CAMK2B: variants seen among roughly 807,000 people sequenced by gnomAD.
CAMK2B encodes the protein calcium/calmodulin dependent protein kinase II beta.
CAMK2B carries 27 observed loss-of-function variants against 93.7 expected under a neutral mutation model. That is an observed-to-expected ratio of 0.29 (90% CI 0.21 to 0.40). The LOEUF is 0.40. Ranked by LOEUF, CAMK2B falls within the 10% of genes least tolerant of loss-of-function variation. The pLI is 1.00. For synonymous variants in CAMK2B, 374 were observed against 358.8 expected, an observed-to-expected ratio of 1.04 and a Z score of -0.48; for missense variants, 568 against 895.8, an observed-to-expected ratio of 0.63 and a Z score of 4.67.
intron 1 of CAMK2B, among the ~76,000 whole-genome samples, chr7:44,287,369 G>T (rs1785428965): frequency 6.6e-6 from 1 of 152,114 alleles, no homozygotes; most frequent in African/African-American, 2.4e-5. Context: ...ACCCTGAAAG[G>T]TGCTCCTCCC....
At chr7:44,304,699 A>T (rs999879596) in intron 1 of CAMK2B, among the ~76,000 whole-genome samples, 10 of 152,248 alleles carry the variant, frequency 6.6e-5, no homozygotes. Context: ...CATTTGTCCA[A>T]GCTCATATAA....
chr7:44,321,514 G>A (rs938918654), intron 1 of CAMK2B, among the ~76,000 whole-genome samples: 5 of 152,126 alleles, frequency 3.3e-5, no homozygotes, highest in African/African-American at 4.8e-5. Flanking sequence ...CCTGAACTTC[G>A]GTTCTTTGTC....
chr7:44,232,899 G>C (rs1308957606), intron 15 of CAMK2B, 33 bp from the exon 16 acceptor site: 10 of 1,600,914 alleles, frequency 6.2e-6, no homozygotes, highest in African/African-American at 1.3e-5. Flanking sequence ...AGGAAGGAAA[G>C]AGAGGGAAAG....
chr7:44,308,745 T>C (rs1368424176), intron 1 of CAMK2B, among the ~76,000 whole-genome samples: 1 of 152,142 alleles, frequency 6.6e-6, no homozygotes. Flanking sequence ...TGCAGACCAC[T>C]AGCCCCAAGA....
At chr7:44,283,650 G>A (rs1232186292) in intron 2 of CAMK2B, among the ~76,000 whole-genome samples, 1 of 152,208 alleles carries the variant, frequency 6.6e-6, no homozygotes, top group African/African-American at 2.4e-5. Flanking sequence ...AAGGCAGATG[G>A]CCAACCGCAG....
chr7:44,245,895 G>A (rs572206286), intron 6 of CAMK2B, among the ~76,000 whole-genome samples: 9 of 152,264 alleles, frequency 5.9e-5, no homozygotes, highest in African/African-American at 1.9e-4. Context: ...CTGCTTGCCT[G>A]TCTACAGAGA....
At chr7:44,258,758 G>T in intron 4 of CAMK2B, 114 bp downstream of exon 4, 2 of 902,526 alleles carry the variant, frequency 2.2e-6, no homozygotes, top group South Asian at 1.4e-5. Flanking sequence ...CACACTCAAG[G>T]GAGTGGCCAG....
At chr7:44,243,183 A>T in intron 8 of CAMK2B, 67 bp downstream of exon 8, 1 of 1,209,480 alleles carries the variant, frequency 8.3e-7, no homozygotes, top group Non-Finnish European at 1.2e-6. Flanking sequence ...TGCACACTCC[A>T]GGATGTAGGT....
At chr7:44,235,467 C>T (rs1275797245) in intron 13 of CAMK2B, among the ~76,000 whole-genome samples, 3 of 152,140 alleles carry the variant, frequency 2.0e-5, no homozygotes, top group Non-Finnish European at 1.5e-5. Context: ...CCCTCCATGG[C>T]TGTTAGGATT....
At chr7:44,239,977 G>A (rs900664407) in intron 12 of CAMK2B, among the ~76,000 whole-genome samples, 18 of 152,158 alleles carry the variant, frequency 1.2e-4, no homozygotes, top group Non-Finnish European at 2.5e-4. Flanking sequence ...ACGCGTTCCC[G>A]GCATTACAGC....
rs375654199 is a variant in CAMK2B, at chr7:44,231,637, T to C, written c.1177-583A>G. 5.4e-3 allele frequency among the ~76,000 whole-genome samples: 820 copies of C among 152,344 alleles called. 2 individuals carry two copies. Among genetic ancestry groups the C allele is most frequent in the Non-Finnish European group, 8.0e-3 (543 of 68,018 alleles). On this transcript the variant is annotated intron_variant, in intron 16 of 23. Coordinates refer to ENST00000395749, the MANE Select transcript of CAMK2B (RefSeq NM_001220.5). ...AGATCCGCACAGGGCTCCAGGAACC[T>C]TGGCCTGGCCCCAGGCAGAGCATTC... is the stretch of plus-strand genomic sequence containing the variant.
Position 44,286,957 on chromosome 7 carries a change from C to T in CAMK2B, c.66-2732G>A, listed in dbSNP as rs1288609872. On this transcript the variant is annotated intron_variant, in intron 1 of 23. Transcript: ENST00000395749. The surrounding 1 kb of genome is among the most constrained non-coding windows in gnomAD (Gnocchi z 4.0). ...CAGCAGACACTCAGCAGGAAGGGACCAGGGGTGCAGGGACCAGGGGTGCAG... is the reference window on the plus strand; with the variant it reads ...CAGCAGACACTCAGCAGGAAGGGACTAGGGGTGCAGGGACCAGGGGTGCAG... Among the ~76,000 whole-genome samples, 3 of 152,048 alleles carry T rather than the reference C, an allele frequency of 2.0e-5. No individual in the cohort carries two copies. Among genetic ancestry groups the T allele is most frequent in the African/African-American group, 4.8e-5 (2 of 41,388 alleles).
intron 19 of CAMK2B, among the ~76,000 whole-genome samples, chr7:44,227,700 A>C (rs1468832218): frequency 4.7e-4 from 2 of 4,282 alleles, no homozygotes; most frequent in Non-Finnish European, 6.9e-4. Flanking sequence ...AAAGGGCGTG[A>C]AGGGACCAAG....
At chr7:44,287,064 G>C (rs948871152) in intron 1 of CAMK2B, among the ~76,000 whole-genome samples, 1 of 152,082 alleles carries the variant, frequency 6.6e-6, no homozygotes, top group Non-Finnish European at 1.5e-5. Flanking sequence ...AGAAGACAGG[G>C]TCCCCTTTCC....
At chr7:44,256,706 A>C (rs1016533228) in intron 4 of CAMK2B, among the ~76,000 whole-genome samples, 1 of 152,214 alleles carries the variant, frequency 6.6e-6, no homozygotes, top group Non-Finnish European at 1.5e-5. Context: ...AAAAGGCCTT[A>C]CGGTCTTGAG....
Position 44,325,404 on chromosome 7 carries a change from G to T in CAMK2B, c.18C>A (p.Thr6=). MATTV[T]CTRFTDEYQL... is the part of the protein sequence containing the mutation. ...GGTACTCGTCGGTGAAGCGGGTGCA[G>T]GTCACCGTGGTGGCCATGGCGGCGG... The change falls in exon 1 of 24, where the codon ACC becomes ACA. Residue 6 remains threonine, a synonymous_variant. Transcript: ENST00000395749. 8.3e-7 allele frequency: 1 copy of T among 1,198,526 alleles called. No individual in the cohort carries two copies. The highest frequency in any genetic ancestry group is 3.0e-5 in the Admixed American group (1 of 33,464). 74.2% of individuals were successfully genotyped at this position (1,198,526 alleles called of 1,614,324 possible).
chr7:44,257,044 T>G (rs1265741207), intron 4 of CAMK2B, among the ~76,000 whole-genome samples: 1 of 152,182 alleles, frequency 6.6e-6, no homozygotes, highest in African/African-American at 2.4e-5. Context: ...CTATGGGAGC[T>G]TCTGTCCTCT....
intron 6 of CAMK2B, among the ~76,000 whole-genome samples, chr7:44,246,262 T>A (rs2096728574): frequency 6.6e-6 from 1 of 151,832 alleles, no homozygotes; most frequent in Non-Finnish European, 1.5e-5. Context: ...AGACCCTGAG[T>A]GGACATTTGT....
intron 1 of CAMK2B, among the ~76,000 whole-genome samples, chr7:44,310,163 G>A (rs1418338818): frequency 6.6e-6 from 1 of 152,268 alleles, no homozygotes; most frequent in Non-Finnish European, 1.5e-5. Flanking sequence ...AAAGTACTCG[G>A]GTTTTTGTTT....
Sources: allele counts gnomAD v4.1 joint callset (sites outside exome capture counted in the v4.1 genomes callset), GRCh38; gene constraint gnomAD v4.1.1; non-coding constraint Gnocchi (gnomAD v3.1); transcripts MANE v1.5; gene names NCBI Gene and HGNC (gene_info 2026-07-23, HGNC 2026-07-21).